The following CDH20 variants were observed in gnomAD, a reference collection of about 807,000 sequenced individuals.
CDH20 encodes cadherin-20.
Under a neutral mutation model 74.2 loss-of-function variants are expected in CDH20, and 29 were observed. The ratio of observed to expected loss-of-function variants is 0.39; its 90% CI spans 0.29 to 0.53. The LOEUF is 0.53. Ranked by LOEUF, CDH20 falls within the 20% of genes least tolerant of loss-of-function variation. The pLI is 0.69. For synonymous variants in CDH20, 469 were observed against 405.4 expected, an observed-to-expected ratio of 1.16 and a Z score of -1.88; for missense variants, 988 against 1,048.3, an observed-to-expected ratio of 0.94 and a Z score of 0.79.
intron 4 of CDH20, among the ~76,000 whole-genome samples, chr18:61,501,850 T>C (rs941917525): frequency 6.6e-6 from 1 of 152,142 alleles, no homozygotes; most frequent in Non-Finnish European, 1.5e-5. Flanking sequence ...GTGTCCTTTA[T>C]ATCCTAAGAA....
At chr18:61,544,993 C>A in intron 9 of CDH20, 34 bp from the exon 10 acceptor site, 2 of 1,449,974 alleles carry the variant, frequency 1.4e-6, no homozygotes, top group Non-Finnish European at 1.9e-6. Flanking sequence ...TTTCCTTTGG[C>A]TCCAACTCAC....
intron 4 of CDH20, 70 bp from the exon 5 acceptor site, chr18:61,502,883 C>T (rs2144322392): frequency 7.4e-7 from 1 of 1,353,354 alleles, no homozygotes; most frequent in East Asian, 2.4e-5. Flanking sequence ...AGGGAGACAC[C>T]TAGAAACCAA....
At chr18:61,339,296 A>G (rs1452482812) in intron 1 of CDH20, among the ~76,000 whole-genome samples, 2 of 151,486 alleles carry the variant, frequency 1.3e-5, no homozygotes, top group East Asian at 3.9e-4. Context: ...ATCAGATTCT[A>G]CTCTTTAAGT....
chr18:61,345,061 G>A (rs1910070239), intron 1 of CDH20, among the ~76,000 whole-genome samples: 1 of 152,146 alleles, frequency 6.6e-6, no homozygotes, highest in Non-Finnish European at 1.5e-5. Context: ...TGATTTAGTT[G>A]AGGTTAACGT....
At chr18:61,363,705 T>A (rs1910771295) in intron 1 of CDH20, among the ~76,000 whole-genome samples, 1 of 152,146 alleles carries the variant, frequency 6.6e-6, no homozygotes, top group Non-Finnish European at 1.5e-5. Flanking sequence ...TTATTGCAGA[T>A]TTATGAAGAA....
At chr18:61,494,776 AAG>A (rs1443328726) in intron 2 of CDH20, among the ~76,000 whole-genome samples, 15 of 152,196 alleles carry the variant, frequency 9.9e-5, no homozygotes, top group African/African-American at 3.1e-4. Context: ...GACATATGCA[AAG>A]AGAGGGATGC....
At chr18:61,484,146 C>T (rs1910679652) in intron 1 of CDH20, among the ~76,000 whole-genome samples, 1 of 152,166 alleles carries the variant, frequency 6.6e-6, no homozygotes. Context: ...AGAATGTTAG[C>T]CACATAATTT....
chr18:61,431,299 A>G (rs1008177692), intron 1 of CDH20, among the ~76,000 whole-genome samples: 4 of 152,204 alleles, frequency 2.6e-5, no homozygotes, highest in Non-Finnish European at 4.4e-5. Flanking sequence ...TGAAAGTCTG[A>G]GAAACGAAAG....
At position 61,520,080 on chromosome 18, in the gene CDH20, G is replaced by C. The variant is rs571462749; in HGVS notation, c.1018-7887G>C. Among the ~76,000 whole-genome samples, 9 of 151,004 alleles carry C rather than the reference G, an allele frequency of 6.0e-5. No individual in the cohort carries two copies. The South Asian group carries it at 1.0e-3, about 17-fold the overall frequency. On this transcript the variant is annotated intron_variant, in intron 6 of 11. Transcript: ENST00000262717. The stretch of plus-strand genomic sequence containing the variant: ...TCCTGTAATCCCAGCACTTTGGGAG[G>C]CCAAGGTGGGTGGATCACGAGGTCA...
At position 61,417,724 on chromosome 18, in the gene CDH20, G is replaced by T. The variant is rs188722571; in HGVS notation, c.-152-72678G>T. Among the ~76,000 whole-genome samples, 332 of 152,078 alleles carry T rather than the reference G, an allele frequency of 2.2e-3. 1 individual carries two copies. The highest frequency in any genetic ancestry group is 3.1e-3 in the Non-Finnish European group (214 of 67,964). On this transcript the variant is annotated intron_variant, in intron 1 of 11. Coordinates refer to ENST00000262717, the MANE Select transcript of CDH20 (RefSeq NM_031891.4). ...TACAAAATATAGTTAGATAGGAGGAGTAAGATCTACTGTTTGGTAGCAAAA... is the reference window on the plus strand; with the variant it reads ...TACAAAATATAGTTAGATAGGAGGATTAAGATCTACTGTTTGGTAGCAAAA...
At chr18:61,430,858 GC>G (rs1289869086) in intron 1 of CDH20, among the ~76,000 whole-genome samples, 1 of 151,930 alleles carries the variant, frequency 6.6e-6, no homozygotes, top group Non-Finnish European at 1.5e-5. Flanking sequence ...GGTGTTTCCT[GC>G]CCCAATCCTA....
At chr18:61,428,981 A>G (rs1340813878) in intron 1 of CDH20, among the ~76,000 whole-genome samples, 1 of 152,114 alleles carries the variant, frequency 6.6e-6, no homozygotes, top group Non-Finnish European at 1.5e-5. Context: ...TCTATGCCAC[A>G]GTAGTCCCCA....
chr18:61,434,266 T>C (rs1294861359), intron 1 of CDH20, among the ~76,000 whole-genome samples: 4 of 152,142 alleles, frequency 2.6e-5, no homozygotes, highest in African/African-American at 9.7e-5. Context: ...CCAACTAGCA[T>C]AGCCCCTGGC....
chr18:61,526,496 C>T lies in CDH20; in HGVS notation c.1018-1471C>T, dbSNP rs1037638663. 2.0e-4 allele frequency among the ~76,000 whole-genome samples: 30 copies of T among 152,074 alleles called. 1 individual carries two copies. The highest frequency in any genetic ancestry group is 3.8e-4 in the Non-Finnish European group (26 of 68,022). On this transcript the variant is annotated intron_variant, in intron 6 of 11. Transcript: ENST00000262717. ...TTAGCTAGAAAAATGTAAGTTATTG[C>T]TATGTTGACACACAACTTTTAAGTT...
intron 1 of CDH20, among the ~76,000 whole-genome samples, chr18:61,335,025 T>C (rs944768155): frequency 3.9e-5 from 6 of 152,236 alleles, no homozygotes; most frequent in Non-Finnish European, 5.9e-5. Context: ...TGTCAGGGAC[T>C]CAGCTAAGGA....
intron 1 of CDH20, among the ~76,000 whole-genome samples, chr18:61,470,147 C>T (rs955888032): frequency 2.6e-5 from 4 of 152,164 alleles, no homozygotes; most frequent in Admixed American, 6.5e-5. Context: ...CCCCTGCCAA[C>T]GGCTATAAAT....
intron 1 of CDH20, among the ~76,000 whole-genome samples, chr18:61,457,139 A>T (rs1203297231): frequency 2.0e-5 from 3 of 151,986 alleles, no homozygotes; most frequent in Admixed American, 6.6e-5. Flanking sequence ...GTAGAGCATC[A>T]TGTGTGTTTG....
intron 1 of CDH20, among the ~76,000 whole-genome samples, chr18:61,416,649 G>A (rs925123441): frequency 1.3e-5 from 2 of 152,218 alleles, no homozygotes; most frequent in Admixed American, 1.3e-4. Context: ...AGTGTCCTGT[G>A]AGCATTTTTA....
At chr18:61,542,629 C>A (rs1377500633) in intron 9 of CDH20, among the ~76,000 whole-genome samples, 1 of 152,114 alleles carries the variant, frequency 6.6e-6, no homozygotes, top group Non-Finnish European at 1.5e-5. Flanking sequence ...GTGTCTCAGT[C>A]GGTTTGTATT....
Sources: gnomAD v4.1 joint callset for allele counts (sites outside exome capture counted in the v4.1 genomes callset) on GRCh38, gnomAD v4.1.1 for gene constraint, MANE v1.5 for transcripts, NCBI Gene and HGNC (gene_info 2026-07-23, HGNC 2026-07-21) for gene names.